GAS2: variants seen among roughly 807,000 people sequenced by gnomAD.
GAS2 encodes growth arrest specific 2.
GAS2 carries 20 observed loss-of-function variants against 37.5 expected under a neutral mutation model. The ratio of observed to expected loss-of-function variants is 0.53; its 90% confidence interval spans 0.37 to 0.77. The LOEUF (loss-of-function observed/expected upper bound fraction) is 0.77, where lower values mean the gene tolerates loss of function less well. Ranked by LOEUF, GAS2 falls within the 30% of genes least tolerant of loss-of-function variation. GAS2 has a pLI of 0.00. For synonymous variants in GAS2, 144 were observed against 132.2 expected, an observed-to-expected ratio of 1.09 and a Z score of -0.61; for missense variants, 336 against 373.4, an observed-to-expected ratio of 0.90 and a Z score of 0.82.
At chr11:22,733,161 G>T (rs1852567797) in intron 4 of GAS2, among the ~76,000 whole-genome samples, 1 of 151,480 alleles carries the variant, frequency 6.6e-6, no homozygotes, top group African/African-American at 2.4e-5. Flanking sequence ...CCTCATAAAG[G>T]AGTGCAAGTA....
intron 3 of GAS2, among the ~76,000 whole-genome samples, chr11:22,706,362 T>G (rs1851118308): frequency 6.6e-6 from 1 of 152,022 alleles, no homozygotes; most frequent in Admixed American, 6.6e-5. Flanking sequence ...ACTTTAAGTT[T>G]TAGGGTACAT....
In GAS2 at chr11:22,811,962, A is replaced by G. The variant is rs1380393066; in HGVS notation, c.888A>G (p.Pro296=). ...SKSPTLKDMN[P]DNYLVVSASY... is the part of the protein sequence containing the mutation. ...CTCCAACTCTAAAGGACATGAATCCAGATAACTACTTGGTGGTCTCTGCCA... is the reference window on the plus strand; with the variant it reads ...CTCCAACTCTAAAGGACATGAATCCGGATAACTACTTGGTGGTCTCTGCCA... The change falls in exon 8 of 8, where the codon CCA becomes CCG. Residue 296 remains proline, a synonymous_variant. Transcript: ENST00000454584. 7.4e-6 allele frequency: 12 copies of G among 1,614,058 alleles called. No individual in the cohort carries two copies. The highest frequency in any genetic ancestry group is 1.0e-5 in the Non-Finnish European group (12 of 1,180,028).
intron 5 of GAS2, among the ~76,000 whole-genome samples, chr11:22,741,428 G>A (rs1470013431): frequency 6.6e-6 from 1 of 151,852 alleles, no homozygotes; most frequent in Non-Finnish European, 1.5e-5. Flanking sequence ...TTTTTTGACT[G>A]TAGAATTAAG....
chr11:22,682,869 T>TA (rs371098220), intron 2 of GAS2, among the ~76,000 whole-genome samples: 2,153 of 78,864 alleles, frequency 0.027, 129 homozygotes, highest in African/African-American at 0.11. Context: ...CACTTTCTGC[T>TA]AAAAAAAAAA....
At chr11:22,662,744 G>T (rs1288590109), upstream of GAS2, among the ~76,000 whole-genome samples, 1 of 152,138 alleles carries the variant, frequency 6.6e-6, no homozygotes, top group Non-Finnish European at 1.5e-5. Flanking sequence ...ATGAGGCAGG[G>T]TGTGGTGGCT....
chr11:22,809,853 A>T (rs1857062902), intron 7 of GAS2, among the ~76,000 whole-genome samples: 1 of 152,112 alleles, frequency 6.6e-6, no homozygotes, highest in Non-Finnish European at 1.5e-5. Flanking sequence ...TTTCAGTACT[A>T]CTGGGAGGGC....
intron 1 of GAS2, among the ~76,000 whole-genome samples, chr11:22,670,806 G>C (rs1373063333): frequency 6.6e-6 from 1 of 151,986 alleles, no homozygotes; most frequent in East Asian, 1.9e-4. Context: ...TTTGACCCTG[G>C]ACTTCTGATT....
chr11:22,696,411 A>T (rs1331977083), intron 3 of GAS2, among the ~76,000 whole-genome samples: 1 of 152,098 alleles, frequency 6.6e-6, no homozygotes, highest in African/African-American at 2.4e-5. Context: ...ATACGTGTGC[A>T]TGTGTCTTTA....
chr11:22,735,221 A>ATTT, intron 4 of GAS2, among the ~76,000 whole-genome samples: 1 of 69,236 alleles, frequency 1.4e-5, no homozygotes, highest in Non-Finnish European at 3.4e-5. Context: ...GTCACCAATC[A>ATTT]TTCTTTTTTT....
intron 3 of GAS2, among the ~76,000 whole-genome samples, chr11:22,699,700 A>G (rs1306568389): frequency 2.6e-5 from 4 of 152,160 alleles, no homozygotes; most frequent in African/African-American, 9.6e-5. Context: ...TCTCATTTGT[A>G]AAATGTAGTA....
At chr11:22,713,335 A>G (rs1316753409) in intron 3 of GAS2, among the ~76,000 whole-genome samples, 2 of 151,752 alleles carry the variant, frequency 1.3e-5, no homozygotes, top group Non-Finnish European at 2.9e-5. Flanking sequence ...AAAATGAGCA[A>G]AGAATCCAAG....
At chr11:22,796,835 A>G (rs1019153666) in intron 7 of GAS2, among the ~76,000 whole-genome samples, 1 of 152,052 alleles carries the variant, frequency 6.6e-6, no homozygotes, top group Non-Finnish European at 1.5e-5. Flanking sequence ...TTCAGATTGA[A>G]TCAGGCAAAT....
intron 7 of GAS2, among the ~76,000 whole-genome samples, chr11:22,759,677 CCTT>C (rs1197423737): frequency 1.3e-5 from 2 of 152,116 alleles, no homozygotes; most frequent in South Asian, 2.1e-4. Context: ...GATGATAAAA[CCTT>C]CTGATTTCTG....
intron 3 of GAS2, among the ~76,000 whole-genome samples, chr11:22,701,123 A>G (rs954956444): frequency 6.6e-6 from 1 of 152,208 alleles, no homozygotes; most frequent in African/African-American, 2.4e-5. Context: ...TCAGAATTCT[A>G]GTACTTAGGA....
At chr11:22,638,519 T>A (rs1337413894) in intron 1 of GAS2, among the ~76,000 whole-genome samples, 2 of 152,004 alleles carry the variant, frequency 1.3e-5, no homozygotes, top group African/African-American at 2.4e-5. Flanking sequence ...CTAATTTTTG[T>A]ATTTTTAGTG....
intron 3 of GAS2, among the ~76,000 whole-genome samples, chr11:22,691,618 T>C (rs1293817818): frequency 2.0e-5 from 3 of 152,154 alleles, no homozygotes; most frequent in African/African-American, 7.2e-5. Context: ...ATTGCAAACA[T>C]AATGCTAGAA....
rs1254761862 is a variant in GAS2, at chr11:22,746,222, T to C, written c.474-2898T>C. On this transcript the variant is annotated intron_variant, in intron 5 of 7. Coordinates refer to ENST00000454584, the MANE Select transcript of GAS2 (RefSeq NM_001143830.3). Reference sequence around the variant, plus strand: ...AACAAACAAAAAACCCATCAGTTACTGGTGAAGCTGCTGAGACAAGGGAAG... The same window carrying C: ...AACAAACAAAAAACCCATCAGTTACCGGTGAAGCTGCTGAGACAAGGGAAG... Among the ~76,000 whole-genome samples, 15 of 152,052 alleles carry C rather than the reference T, an allele frequency of 9.9e-5. No individual in the cohort carries two copies. In the East Asian group the frequency reaches 2.5e-3, roughly 25 times the overall value.
intron 3 of GAS2, among the ~76,000 whole-genome samples, chr11:22,723,966 T>C (rs1852067198): frequency 1.3e-5 from 2 of 151,942 alleles, no homozygotes. Context: ...TGGAATTATA[T>C]AAAATAAGTA....
intron 3 of GAS2, among the ~76,000 whole-genome samples, chr11:22,688,621 A>G (rs1356641061): frequency 6.6e-6 from 1 of 152,208 alleles, no homozygotes; most frequent in East Asian, 1.9e-4. Flanking sequence ...ATAAAACTAT[A>G]AAACAAAAAG....
Sources: allele counts gnomAD v4.1 joint callset (sites outside exome capture counted in the v4.1 genomes callset), GRCh38; gene constraint gnomAD v4.1.1; transcripts MANE v1.5; gene names NCBI Gene and HGNC (gene_info 2026-07-23, HGNC 2026-07-21).